Variants in OPA1 observed in about 807,000 individuals in gnomAD.
OPA1 encodes OPA1 mitochondrial dynamin like GTPase.
In OPA1, 59 loss-of-function variants were observed where a neutral mutation model predicts 152.9. The ratio of observed to expected loss-of-function variants is 0.39; its 90% CI spans 0.31 to 0.48. The LOEUF (loss-of-function observed/expected upper bound fraction) is 0.48, where lower values mean the gene tolerates loss of function less well. OPA1 is among the 20% of genes least tolerant of loss of function. The probability of loss-of-function intolerance (pLI) is 0.96; values close to 1 mark genes in which losing one functional copy is unlikely to be tolerated. For missense variants in OPA1, 1,008 were observed against 1,216.8 expected, an observed-to-expected ratio of 0.83 and a Z score of 2.55; for synonymous variants, 400 against 389.9, an observed-to-expected ratio of 1.03 and a Z score of -0.31.
Position 193,668,677 on chromosome 3 carries a change from A to G in OPA1, c.2983+1397A>G, listed in dbSNP as rs566947730. 175 of 1,428,714 alleles carry G rather than the reference A, an allele frequency of 1.2e-4. No homozygotes were observed. The African/African-American group carries it at 2.1e-3, about 17-fold the overall frequency. The allele number at this position is 1,428,714 out of a possible 1,614,324, so 88.5% of individuals were successfully genotyped here. ...ACTGGACCAGGCTACCAACAGCCCC[A>G]TGTGAACCCATTGTAACCCAGGTCA... is the stretch of plus-strand genomic sequence containing the variant. On this transcript the variant is annotated intron_variant, in intron 29 of 30. Transcript: ENST00000361510.
intron 1 of OPA1, among the ~76,000 whole-genome samples, chr3:193,605,060 A>G (rs949898444): frequency 6.6e-6 from 1 of 152,084 alleles, no homozygotes; most frequent in Non-Finnish European, 1.5e-5. Flanking sequence ...TTAACTCCTG[A>G]TGCAGTGCCT....
At chr3:193,641,099 G>A (rs1206818640) in intron 11 of OPA1, among the ~76,000 whole-genome samples, 1 of 152,186 alleles carries the variant, frequency 6.6e-6, no homozygotes, top group Non-Finnish European at 1.5e-5. Context: ...CTCATATCCT[G>A]TTCAATAATC....
chr3:193,635,442 C>T lies in OPA1; in HGVS notation c.868C>T (p.Arg290Ter), dbSNP rs761743852. 3 of 1,603,388 alleles carry T rather than the reference C, an allele frequency of 1.9e-6. No individual in the cohort carries two copies. The highest frequency in any genetic ancestry group is 1.1e-5 in the South Asian group (1 of 90,808). Reference protein sequence around the residue: ...TQLKYQRILERLEKENKELRK... With the variant: ...TQLKYQRILE Reference sequence around the variant, plus strand: ...GTTGAAGTATCAGAGAATCTTGGAACGATTAGAAAAGGAGAACAAAGAATT... The same window carrying T: ...GTTGAAGTATCAGAGAATCTTGGAATGATTAGAAAAGGAGAACAAAGAATT... The change falls in exon 9 of 31, where the codon CGA (arginine) becomes TGA (stop). Residue 290 changes from arginine to a stop codon, truncating the protein, a stop_gained. Coordinates refer to ENST00000361510, the MANE Select transcript of OPA1 (RefSeq NM_130837.3). LOFTEE classifies it high-confidence loss of function.
At position 193,688,444 on chromosome 3, in the gene OPA1, C is replaced by CTTTTTTTTTT. The variant is rs1560079327; in HGVS notation, c.2984-3615_2984-3614insTTTTTTTTTT. Among the ~76,000 whole-genome samples the CTTTTTTTTTT allele has an allele frequency of 1.6e-4, 6 of 38,512 alleles. 2 individuals carry two copies. Among genetic ancestry groups the CTTTTTTTTTT allele is most frequent in the African/African-American group, 6.9e-5 (1 of 14,396 alleles). The allele number at this position is 38,512 out of a possible 152,430, so 25.3% of individuals were successfully genotyped here. On this transcript the variant is annotated intron_variant, in intron 29 of 30. Coordinates refer to ENST00000361510, the MANE Select transcript of OPA1 (RefSeq NM_130837.3). ...TTCCCTGATTTTTACTGAAATGGGT[C>CTTTTTTTTTT]TTTTCTTTTTTTTTTTTTTTTTTTT...
At chr3:193,632,762 T>A (rs1030301928) in intron 8 of OPA1, among the ~76,000 whole-genome samples, 2 of 152,150 alleles carry the variant, frequency 1.3e-5, no homozygotes, top group African/African-American at 4.8e-5. Context: ...TCCCAGCAAC[T>A]GGGAGGCTAA....
intron 29 of OPA1, among the ~76,000 whole-genome samples, chr3:193,679,168 A>C (rs759836955): frequency 1.2e-4 from 18 of 152,286 alleles, no homozygotes; most frequent in Middle Eastern, 6.8e-3. Flanking sequence ...AGAGGACTTA[A>C]GTGCAGCAGA....
At chr3:193,683,648 A>G (rs760023240) in intron 29 of OPA1, among the ~76,000 whole-genome samples, 1 of 152,198 alleles carries the variant, frequency 6.6e-6, no homozygotes, top group African/African-American at 2.4e-5. Flanking sequence ...CACCCTGATC[A>G]GTCAGCAGCC....
At chr3:193,638,185 A>C (rs1733228098) in intron 11 of OPA1, 120 bp downstream of exon 11, 1 of 776,076 alleles carries the variant, frequency 1.3e-6, no homozygotes, top group Admixed American at 2.0e-5. Context: ...TAGTGTTTGG[A>C]ATGATCCCTA....
chr3:193,659,113 T>C, intron 24 of OPA1, 118 bp downstream of exon 24: 2 of 770,424 alleles, frequency 2.6e-6, no homozygotes, highest in Non-Finnish European at 4.5e-6. Flanking sequence ...ATTAATACTA[T>C]AGTCGAATAT....
intron 1 of OPA1, among the ~76,000 whole-genome samples, chr3:193,601,063 G>A (rs566043299): frequency 1.7e-4 from 26 of 152,250 alleles, no homozygotes; most frequent in African/African-American, 5.8e-4. Context: ...AAGTGTTTTC[G>A]TTGAATATGT....
At chr3:193,595,148 A>G (rs145232887) in intron 1 of OPA1, among the ~76,000 whole-genome samples, 141 of 152,324 alleles carry the variant, frequency 9.3e-4, no homozygotes, top group African/African-American at 3.2e-3. Context: ...GAGATGTGGG[A>G]AGCCAGAAGC....
At position 193,663,032 on chromosome 3, in the gene OPA1, A is replaced by G. The variant is rs185561860; in HGVS notation, c.2661+70A>G. On this transcript the variant is annotated intron_variant, in intron 26 of 30. Coordinates refer to ENST00000361510, the MANE Select transcript of OPA1 (RefSeq NM_130837.3). ...TGTTTCTTGCAGTAAATGTTACTAC[A>G]TGTGTTAGTTAGATATTTAAGTGCT... The G allele has an allele frequency of 2.1e-4, 307 of 1,491,398 alleles. No homozygotes were observed. The African/African-American group carries it at 4.0e-3, about 19-fold the overall frequency. The allele number at this position is 1,491,398 out of a possible 1,614,324, so 92.4% of individuals were successfully genotyped here. A position where few individuals can be genotyped will look rare whatever the true frequency, so the allele number is the denominator to read the frequency against.
At position 193,692,212 on chromosome 3, in the gene OPA1, C is replaced by T. The variant is rs561733636; in HGVS notation, c.*5+80C>T. On this transcript the variant is annotated intron_variant, in intron 30 of 30. Coordinates refer to ENST00000361510, the MANE Select transcript of OPA1 (RefSeq NM_130837.3). ...TTCTTAATAGTTTATCATTCTGCTTCATTTACATCCTGCTTGTCACTTATG... is the reference window on the plus strand; with the variant it reads ...TTCTTAATAGTTTATCATTCTGCTTTATTTACATCCTGCTTGTCACTTATG... 20 of 764,674 alleles carry T rather than the reference C, an allele frequency of 2.6e-5. No homozygotes were observed. In the South Asian group the frequency reaches 3.1e-4, roughly 12 times the overall value. 47.4% of individuals were successfully genotyped at this position (764,674 alleles called of 1,614,324 possible).
chr3:193,662,109 A>G (rs1715405289), intron 25 of OPA1, among the ~76,000 whole-genome samples: 1 of 152,146 alleles, frequency 6.6e-6, no homozygotes, highest in Non-Finnish European at 1.5e-5. Context: ...TTCTTCTATC[A>G]TATACAATTT....
chr3:193,610,133 A>AT (rs1727971654), intron 1 of OPA1, among the ~76,000 whole-genome samples: 1 of 151,844 alleles, frequency 6.6e-6, no homozygotes, highest in Non-Finnish European at 1.5e-5. Context: ...AATTTTCAGT[A>AT]TTTTTGCTCT....
intron 29 of OPA1, among the ~76,000 whole-genome samples, chr3:193,689,918 C>A (rs1040361739): frequency 2.0e-5 from 3 of 151,676 alleles, no homozygotes; most frequent in Non-Finnish European, 4.4e-5. Context: ...TTCCAGCATT[C>A]TAGGTAACAA....
chr3:193,683,640 C>T (rs930859241), intron 29 of OPA1, among the ~76,000 whole-genome samples: 1 of 152,154 alleles, frequency 6.6e-6, no homozygotes, highest in Admixed American at 6.5e-5. Flanking sequence ...ACAGCCACCA[C>T]CCTGATCAGT....
In OPA1 at chr3:193,631,539, C is replaced by CA. The variant is rs894903840; in HGVS notation, c.790-66dup. ...GTTGTTTTTAACTCTCAATACTTAT[C>CA]AAAAAAATTTAACTTGCTGTACATT... On this transcript the variant is annotated intron_variant, in intron 7 of 30. Coordinates refer to ENST00000361510, the MANE Select transcript of OPA1 (RefSeq NM_130837.3). 29 of 1,106,036 alleles carry CA rather than the reference C, an allele frequency of 2.6e-5. No homozygotes were observed. The African/African-American group carries it at 4.1e-4, about 15-fold the overall frequency. 68.5% of individuals were successfully genotyped at this position (1,106,036 alleles called of 1,614,324 possible). A position where few individuals can be genotyped will look rare whatever the true frequency, so the allele number is the denominator to read the frequency against.
chr3:193,650,774 A>G (rs1423764855), intron 21 of OPA1, among the ~76,000 whole-genome samples: 1 of 152,174 alleles, frequency 6.6e-6, no homozygotes, highest in Non-Finnish European at 1.5e-5. Flanking sequence ...CTGGTTTTCA[A>G]GAGTGAATCA....
Sources: allele counts gnomAD v4.1 joint callset (sites outside exome capture counted in the v4.1 genomes callset), GRCh38; gene constraint gnomAD v4.1.1; transcripts MANE v1.5; gene names NCBI Gene and HGNC (gene_info 2026-07-23, HGNC 2026-07-21).